ARHGAP18: variants seen among roughly 807,000 people sequenced by gnomAD.
ARHGAP18 encodes Rho GTPase activating protein 18, also known as rho GTPase-activating protein 18.
A neutral mutation model predicts 86.2 loss-of-function variants in ARHGAP18; 67 were observed. The observed-to-expected ratio is 0.78, with a 90% confidence interval of 0.64 to 0.95. The LOEUF (loss-of-function observed/expected upper bound fraction) is 0.95, where lower values mean the gene tolerates loss of function less well. ARHGAP18 is among the 40% of genes least tolerant of loss of function. The pLI, the probability that ARHGAP18 is intolerant of heterozygous loss-of-function variation, is 0.00. For synonymous variants in ARHGAP18, 283 were observed against 280.4 expected (o/e 1.01, Z -0.09); for missense variants, 691 against 780.4 (o/e 0.89, Z 1.37).
chr6:129,706,341 C>T (rs1439033326), intron 1 of ARHGAP18, among the ~76,000 whole-genome samples: 1 of 152,098 alleles, frequency 6.6e-6, no homozygotes, highest in Non-Finnish European at 1.5e-5. Context: ...GTGTACAAGT[C>T]GGCCATGACA....
intron 1 of ARHGAP18, among the ~76,000 whole-genome samples, chr6:129,669,778 G>A (rs2114526712): frequency 6.9e-6 from 1 of 144,484 alleles, no homozygotes; most frequent in Middle Eastern, 3.6e-3. Flanking sequence ...AGAGTGAAAC[G>A]TCTCAAAAAA....
intron 13 of ARHGAP18, among the ~76,000 whole-genome samples, chr6:129,581,330 T>C (rs1055663191): frequency 1.3e-5 from 2 of 152,156 alleles, no homozygotes; most frequent in Non-Finnish European, 2.9e-5. Flanking sequence ...CACGCTATGT[T>C]CCACCTGCTG....
At chr6:129,592,835 T>C (rs1788544399) in intron 12 of ARHGAP18, among the ~76,000 whole-genome samples, 1 of 152,100 alleles carries the variant, frequency 6.6e-6, no homozygotes, top group African/African-American at 2.4e-5. Flanking sequence ...AGAGATGCAA[T>C]CTGAGGTAAT....
intron 7 of ARHGAP18, among the ~76,000 whole-genome samples, chr6:129,614,666 T>C (rs1789055395): frequency 6.6e-6 from 1 of 151,978 alleles, no homozygotes; most frequent in Non-Finnish European, 1.5e-5. Context: ...TGTGGTGTGA[T>C]GGTGAATTTT....
intron 12 of ARHGAP18, among the ~76,000 whole-genome samples, chr6:129,591,521 T>C (rs943887978): frequency 6.6e-6 from 1 of 152,224 alleles, no homozygotes; most frequent in East Asian, 1.9e-4. Context: ...TGACCTCATA[T>C]GGTCTTCACA....
rs1197368144 is a variant in ARHGAP18 at position 129,625,360 on chromosome 6, T to A, written c.786+3993A>T. On this transcript the variant is annotated intron_variant, in intron 5 of 14. Transcript: ENST00000368149. ...ATATATTTATATGTAATATATATTATGTATATTTATATATATTATATATTA... is the reference window on the plus strand; with the variant it reads ...ATATATTTATATGTAATATATATTAAGTATATTTATATATATTATATATTA... Among the ~76,000 whole-genome samples, 2 of 72,414 alleles carry A rather than the reference T, an allele frequency of 2.8e-5. 1 individual carries two copies. Among genetic ancestry groups the A allele is most frequent in the Non-Finnish European group, 4.5e-5 (2 of 44,316 alleles). The allele number at this position is 72,414 out of a possible 152,430, so 47.5% of individuals were successfully genotyped here.
intron 1 of ARHGAP18, among the ~76,000 whole-genome samples, chr6:129,668,442 T>A (rs535764936): frequency 6.7e-6 from 1 of 149,956 alleles, no homozygotes; most frequent in East Asian, 2.0e-4. Context: ...CTCAGTACAT[T>A]TCAACATCTC....
intron 1 of ARHGAP18, among the ~76,000 whole-genome samples, chr6:129,647,990 C>T (rs1244277474): frequency 1.3e-5 from 2 of 152,100 alleles, no homozygotes; most frequent in Non-Finnish European, 2.9e-5. Flanking sequence ...CCAGATGCAT[C>T]AATCTTTCTG....
chr6:129,647,402 G>A (rs772697678), intron 1 of ARHGAP18, among the ~76,000 whole-genome samples: 2 of 152,144 alleles, frequency 1.3e-5, no homozygotes, highest in Non-Finnish European at 2.9e-5. Flanking sequence ...GTCCTATCGT[G>A]ATGCTTTCTA....
chr6:129,613,551 A>G (rs1450786218), intron 7 of ARHGAP18, among the ~76,000 whole-genome samples: 2 of 152,206 alleles, frequency 1.3e-5, no homozygotes, highest in Non-Finnish European at 2.9e-5. Context: ...AGTACACAGG[A>G]AAAAGTGATT....
intron 1 of ARHGAP18, among the ~76,000 whole-genome samples, chr6:129,693,262 T>C (rs545291533): frequency 3.3e-5 from 5 of 152,334 alleles, no homozygotes; most frequent in Admixed American, 1.3e-4. Flanking sequence ...CATCTTACTA[T>C]ACTATTTCTA....
At chr6:129,663,365 A>G (rs1203130934) in intron 1 of ARHGAP18, among the ~76,000 whole-genome samples, 1 of 152,208 alleles carries the variant, frequency 6.6e-6, no homozygotes, top group Non-Finnish European at 1.5e-5. Context: ...TTGCTCTGAC[A>G]ACACAGGCTT....
intron 1 of ARHGAP18, among the ~76,000 whole-genome samples, chr6:129,646,645 T>G (rs1160075674): frequency 1.3e-5 from 2 of 152,112 alleles, no homozygotes; most frequent in Non-Finnish European, 2.9e-5. Flanking sequence ...GTGAGATGAG[T>G]AGCACTGTTT....
intron 1 of ARHGAP18, among the ~76,000 whole-genome samples, chr6:129,654,620 G>A (rs916552070): frequency 3.3e-5 from 5 of 152,142 alleles, no homozygotes; most frequent in Admixed American, 1.3e-4. Context: ...GGCCTCAAGC[G>A]TTGCCCCGCT....
chr6:129,640,824 T>C (rs753095143), intron 2 of ARHGAP18, among the ~76,000 whole-genome samples: 1 of 152,142 alleles, frequency 6.6e-6, no homozygotes, highest in African/African-American at 2.4e-5. Context: ...TAAACATACT[T>C]ACAAATGTAT....
intron 3 of ARHGAP18, among the ~76,000 whole-genome samples, chr6:129,636,032 C>T (rs374441383): frequency 6.6e-5 from 10 of 152,294 alleles, no homozygotes; most frequent in East Asian, 1.9e-4. Context: ...CTATTCCCTC[C>T]CCCTTTTCAC....
chr6:129,601,565 AAG>A (rs1788746439), intron 10 of ARHGAP18, among the ~76,000 whole-genome samples: 1 of 151,522 alleles, frequency 6.6e-6, no homozygotes, highest in African/African-American at 2.4e-5. Flanking sequence ...GAGAAAAGAA[AAG>A]AGAGGTGAGG....
intron 8 of ARHGAP18, among the ~76,000 whole-genome samples, chr6:129,609,739 A>C (rs1004557885): frequency 2.6e-5 from 4 of 152,106 alleles, no homozygotes; most frequent in African/African-American, 9.7e-5. Flanking sequence ...AGGGAGCTCT[A>C]AGTACCAGAC....
At chr6:129,585,601 A>G (rs1021067932) in intron 12 of ARHGAP18, among the ~76,000 whole-genome samples, 12 of 152,186 alleles carry the variant, frequency 7.9e-5, no homozygotes, top group African/African-American at 2.9e-4. Flanking sequence ...AACCTCAGAA[A>G]TCCTGCTGCA....
Sources: allele counts gnomAD v4.1 joint callset (sites outside exome capture counted in the v4.1 genomes callset), GRCh38; gene constraint gnomAD v4.1.1; transcripts MANE v1.5; gene names NCBI Gene and HGNC (gene_info 2026-07-23, HGNC 2026-07-21).